The following ZNF486 variants were observed in gnomAD, a reference collection of about 807,000 sequenced individuals.
The protein encoded by ZNF486 is zinc finger protein 486, also known as KRAB box only protein 2.
Under a neutral mutation model 12.8 loss-of-function variants are expected in ZNF486, and 12 were observed. The observed-to-expected ratio is 0.94, with a 90% confidence interval of 0.60 to 1.52. The LOEUF is 1.52. ZNF486 is among the 40% of genes most tolerant of loss of function. ZNF486 has a pLI of 0.00. For missense variants in ZNF486, 738 were observed against 545.0 expected, an observed-to-expected ratio of 1.35 and a Z score of -3.53; for synonymous variants, 231 against 184.9, an observed-to-expected ratio of 1.25 and a Z score of -2.02.
intron 3 of ZNF486, among the ~76,000 whole-genome samples, 188 bp from the exon 4 acceptor site, chr19:20,196,776 T>TTTTTTAC (rs2089962364): frequency 6.6e-6 from 1 of 152,220 alleles, no homozygotes; most frequent in Admixed American, 6.5e-5. Flanking sequence ...CACTTATAAA[T>TTTTTTAC]TTTTTACAAA....
Position 20,198,309 on chromosome 19 carries a change from G to T in ZNF486, c.*207G>T. The T allele has an allele frequency of 1.9e-6, 1 of 524,878 alleles. No individual in the cohort carries two copies. The highest frequency in any genetic ancestry group is 3.4e-5 in the Admixed American group (1 of 29,744). The allele number at this position is 524,878 out of a possible 1,614,324, so 32.5% of individuals were successfully genotyped here. ...GTAGAGATGGGGTTTCTCCATGTTGGTCAGGCTGGTCTCAATCTCCTAACC... is the reference window on the plus strand; with the variant it reads ...GTAGAGATGGGGTTTCTCCATGTTGTTCAGGCTGGTCTCAATCTCCTAACC... On this transcript the variant is annotated 3_prime_UTR_variant, in exon 4 of 4. Coordinates refer to ENST00000335117, the MANE Select transcript of ZNF486 (RefSeq NM_052852.4).
Position 20,198,340 on chromosome 19 carries a change from T to A in ZNF486, c.*238T>A, listed in dbSNP as rs2089982229. The A allele has an allele frequency of 4.5e-6, 2 of 448,748 alleles. No individual in the cohort carries two copies. Among genetic ancestry groups the A allele is most frequent in the Non-Finnish European group, 7.9e-6 (2 of 251,782 alleles). 27.8% of individuals were successfully genotyped at this position (448,748 alleles called of 1,614,324 possible). ...CTGGTCTCAATCTCCTAACCTCAGG[T>A]GGTCTGCCTGCTTTGGCCTCCCAAA... On this transcript the variant is annotated 3_prime_UTR_variant, in exon 4 of 4. Coordinates refer to ENST00000335117, the MANE Select transcript of ZNF486 (RefSeq NM_052852.4).
intron 3 of ZNF486, among the ~76,000 whole-genome samples, chr19:20,196,133 C>G (rs2089956133): frequency 6.6e-6 from 1 of 152,146 alleles, no homozygotes; most frequent in African/African-American, 2.4e-5. Context: ...ATTCTCCTGC[C>G]TCAGCATCCC....
chr19:20,194,839 C>G (rs1219630099), intron 3 of ZNF486, among the ~76,000 whole-genome samples: 1 of 151,918 alleles, frequency 6.6e-6, no homozygotes, highest in Non-Finnish European at 1.5e-5. Context: ...TGAAATTTTG[C>G]TTATATATGT....
At chr19:20,167,650 A>G (rs1195035631) in intron 1 of ZNF486, among the ~76,000 whole-genome samples, 2 of 152,114 alleles carry the variant, frequency 1.3e-5, no homozygotes, top group Non-Finnish European at 2.9e-5. Context: ...TGCGGGAACC[A>G]CGAGAAGGTC....
intron 1 of ZNF486, chr19:20,176,252 G>A: frequency 5.2e-6 from 1 of 193,006 alleles, no homozygotes; most frequent in Non-Finnish European, 1.1e-5. Flanking sequence ...GACGCTCCTT[G>A]CTTCCTAGAT....
At position 20,186,081 on chromosome 19, in the gene ZNF486, A is replaced by C; in HGVS notation, c.252A>C (p.Pro84=). The C allele has an allele frequency of 6.3e-7, 1 of 1,578,838 alleles. No homozygotes were observed. Among genetic ancestry groups the C allele is most frequent in the Admixed American group, 1.9e-5 (1 of 52,938 alleles). The change falls in exon 3 of 4, where the codon CCA becomes CCC. Residue 84 remains proline (P), a splice_region_variant and synonymous_variant. Coordinates refer to ENST00000335117, the MANE Select transcript of ZNF486 (RefSeq NM_052852.4). ...MKRHEMIAKP[P]VVCSHFAQDL... is the part of the protein sequence containing the mutation. Reference sequence around the variant, plus strand: ...GACATGAGATGATTGCCAAACCCCCAGGTAGGTGCGAATGAAAATGAACAC... The same window carrying C: ...GACATGAGATGATTGCCAAACCCCCCGGTAGGTGCGAATGAAAATGAACAC...
At position 20,197,274 on chromosome 19, in the gene ZNF486, C is replaced by A; in HGVS notation, c.564C>A (p.Asp188Glu). Residue 188 changes from aspartate to glutamate, a missense_variant, in exon 4 of 4, where the codon GAC becomes GAA. Asp to Glu is a conservative substitution (Grantham distance 45). Transcript: ENST00000335117. ...AACCTTTGAAATATATAGAAGGTGA[C>A]AAAGCTTTTAACCAGTCCTCAACCC... ...EKKPLKYIEG[D>E]KAFNQSSTHT... is the part of the protein sequence containing the mutation. 2 of 1,610,146 alleles carry A rather than the reference C, an allele frequency of 1.2e-6. No homozygotes were observed. The highest frequency in any genetic ancestry group is 8.5e-7 in the Non-Finnish European group (1 of 1,178,834).
Position 20,188,365 on chromosome 19 carries a change from A to C in ZNF486, c.253+2283A>C. On this transcript the variant is annotated intron_variant, in intron 3 of 3. Transcript: ENST00000335117. ...ATTGTTTTAAAAACACATAACATAA[A>C]ATTTACCATCTTAATTCAAGTGTAC... 1.5e-5 allele frequency: 6 copies of C among 398,296 alleles called. No individual in the cohort carries two copies. In the East Asian group the frequency reaches 2.1e-4, roughly 14 times the overall value. The allele number at this position is 398,296 out of a possible 1,614,324, so 24.7% of individuals were successfully genotyped here.
intron 2 of ZNF486, 113 bp from the exon 3 acceptor site, chr19:20,185,874 T>A (rs1555716332): frequency 1.5e-4 from 79 of 534,172 alleles, no homozygotes; most frequent in Non-Finnish European, 6.5e-5. Flanking sequence ...TGAATTAGTA[T>A]TTTGGTATTA....
At chr19:20,168,746 C>G (rs2089612585) in intron 1 of ZNF486, among the ~76,000 whole-genome samples, 1 of 152,068 alleles carries the variant, frequency 6.6e-6, no homozygotes, top group South Asian at 2.1e-4. Context: ...CACTTAGTTT[C>G]AAAAACCAAG....
At chr19:20,175,932 C>G (rs187946781) in intron 1 of ZNF486, among the ~76,000 whole-genome samples, 11,828 of 150,302 alleles carry the variant, frequency 0.079, 712 homozygotes, top group African/African-American at 0.17. Context: ...CCCTCACCTC[C>G]CGGATGGGGC....
At position 20,167,263 on chromosome 19, in the gene ZNF486, C is replaced by G; in HGVS notation, c.-68C>G. On this transcript the variant is annotated 5_prime_UTR_variant, in exon 1 of 4. Coordinates refer to ENST00000335117, the MANE Select transcript of ZNF486 (RefSeq NM_052852.4). Reference sequence around the variant, plus strand: ...AGGTCGCCTCTTCGCTACTCTGTGTCCTCTGCTCCTAGAGGCCCACCCTCT... The same window carrying G: ...AGGTCGCCTCTTCGCTACTCTGTGTGCTCTGCTCCTAGAGGCCCACCCTCT... The G allele has an allele frequency of 6.3e-7, 1 of 1,599,232 alleles. No homozygotes were observed. The highest frequency in any genetic ancestry group is 8.6e-7 in the Non-Finnish European group (1 of 1,166,510).
intron 1 of ZNF486, among the ~76,000 whole-genome samples, chr19:20,175,809 C>G (rs1555714640): frequency 6.6e-6 from 1 of 152,258 alleles, no homozygotes; most frequent in Non-Finnish European, 1.5e-5. Flanking sequence ...CACAAAACAG[C>G]CATTGTCATC....
chr19:20,169,265 C>G (rs1387265112), intron 1 of ZNF486, among the ~76,000 whole-genome samples: 1 of 152,218 alleles, frequency 6.6e-6, no homozygotes, highest in East Asian at 1.9e-4. Context: ...CAGGCACGCG[C>G]CGTCACGCCC....
At chr19:20,167,891 G>A (rs185365508) in intron 1 of ZNF486, among the ~76,000 whole-genome samples, 1 of 152,190 alleles carries the variant, frequency 6.6e-6, no homozygotes, top group African/African-American at 2.4e-5. Context: ...ATCAGAAGTT[G>A]TAAAAGTTGT....
Position 20,197,274 on chromosome 19 carries a change from C to G in ZNF486, c.564C>G (p.Asp188Glu), listed in dbSNP as rs782133047. ...EKKPLKYIEG[D>E]KAFNQSSTHT... is the part of the protein sequence containing the mutation. Reference sequence around the variant, plus strand: ...AACCTTTGAAATATATAGAAGGTGACAAAGCTTTTAACCAGTCCTCAACCC... The same window carrying G: ...AACCTTTGAAATATATAGAAGGTGAGAAAGCTTTTAACCAGTCCTCAACCC... The change falls in exon 4 of 4, where the codon GAC (aspartate) becomes GAG (glutamate). Residue 188 changes from aspartate (D) to glutamate (E), a missense_variant. Coordinates refer to ENST00000335117, the MANE Select transcript of ZNF486 (RefSeq NM_052852.4). The G allele has an allele frequency of 3.1e-6, 5 of 1,610,146 alleles. No homozygotes were observed. The highest frequency in any genetic ancestry group is 4.5e-5 in the East Asian group (2 of 44,834).
At position 20,172,269 on chromosome 19, in the gene ZNF486, T is replaced by G. The variant is rs375330456; in HGVS notation, c.30+4909T>G. On this transcript the variant is annotated intron_variant, in intron 1 of 3. Transcript: ENST00000335117. ...TACCCGGCCTCAGCCTCCCAAAGTG[T>G]TGGGATTACAGGTGTGAGCCACTGC... Among the ~76,000 whole-genome samples the G allele has an allele frequency of 3.3e-5, 5 of 152,002 alleles. No individual in the cohort carries two copies. In the East Asian group the frequency reaches 5.8e-4, roughly 18 times the overall value.
At chr19:20,195,500 T>G (rs1302341265) in intron 3 of ZNF486, among the ~76,000 whole-genome samples, 1 of 152,224 alleles carries the variant, frequency 6.6e-6, no homozygotes, top group Admixed American at 6.5e-5. Flanking sequence ...AAAAATTACT[T>G]TGTATACTTT....
Sources: gnomAD v4.1 joint callset for allele counts (sites outside exome capture counted in the v4.1 genomes callset) on GRCh38, gnomAD v4.1.1 for gene constraint, MANE v1.5 for transcripts, NCBI Gene and HGNC (gene_info 2026-07-23, HGNC 2026-07-21) for gene names.